C16orf74: variants seen among roughly 807,000 people sequenced by gnomAD.
C16orf74 encodes the protein calcimembrin.
In C16orf74, 10 loss-of-function variants were observed where a neutral mutation model predicts 6.5. The ratio of observed to expected loss-of-function variants is 1.54; its 90% CI spans 0.95 to 2.61. The LOEUF (loss-of-function observed/expected upper bound fraction) is 2.61, where lower values mean the gene tolerates loss of function less well. C16orf74 is among the 30% of genes most tolerant of loss of function. The pLI, the probability that C16orf74 is intolerant of heterozygous loss-of-function variation, is 0.00. For missense variants in C16orf74, 141 were observed against 105.9 expected (o/e 1.33, Z -1.45); for synonymous variants, 60 against 42.5 (o/e 1.41, Z -1.60).
At chr16:85,735,564 C>G (rs2054235139) in intron 1 of C16orf74, among the ~76,000 whole-genome samples, 1 of 152,190 alleles carries the variant, frequency 6.6e-6, no homozygotes, top group African/African-American at 2.4e-5. Flanking sequence ...GAACCGACAC[C>G]ACCAAGCCTT....
At chr16:85,714,843 G>A (rs1432116052) in intron 2 of C16orf74, among the ~76,000 whole-genome samples, 2 of 150,986 alleles carry the variant, frequency 1.3e-5, no homozygotes, top group Non-Finnish European at 3.0e-5. Context: ...ATACAGTGGG[G>A]TTTGAACCTT....
chr16:85,731,638 G>A (rs1327246962), intron 2 of C16orf74, among the ~76,000 whole-genome samples: 3 of 152,168 alleles, frequency 2.0e-5, no homozygotes, highest in African/African-American at 4.8e-5. Flanking sequence ...ACACCTAACC[G>A]GAGCCTGTGA....
chr16:85,743,597 C>T (rs2054334698), intron 1 of C16orf74: 1 of 152,180 alleles, frequency 6.6e-6, no homozygotes, highest in South Asian at 2.1e-4. Flanking sequence ...GAGTTTGTTA[C>T]AAACACACGT....
At chr16:85,723,616 C>T (rs1023010764) in intron 2 of C16orf74, among the ~76,000 whole-genome samples, 1 of 152,192 alleles carries the variant, frequency 6.6e-6, no homozygotes, top group East Asian at 1.9e-4. Context: ...AGGGTACACA[C>T]CCTCCAACCA....
chr16:85,710,375 G>A (rs914072415), intron 2 of C16orf74, 68 bp from the exon 3 acceptor site: 31 of 1,403,640 alleles, frequency 2.2e-5, no homozygotes, highest in Admixed American at 7.5e-5. Flanking sequence ...AGTGGCCGCC[G>A]GGAACCGCGG....
chr16:85,729,513 C>T (rs1350725794), intron 2 of C16orf74, among the ~76,000 whole-genome samples: 1 of 152,230 alleles, frequency 6.6e-6, no homozygotes, highest in Admixed American at 6.5e-5. Flanking sequence ...TTCCTGCCCC[C>T]CACAGGGGAA....
chr16:85,728,449 C>T (rs969266706), intron 2 of C16orf74, among the ~76,000 whole-genome samples: 3 of 152,306 alleles, frequency 2.0e-5, no homozygotes, highest in Middle Eastern at 3.4e-3. Flanking sequence ...AGGACAGTTG[C>T]TGGGACCAGT....
chr16:85,747,072 C>G (rs745853689), intron 1 of C16orf74, among the ~76,000 whole-genome samples: 1 of 152,054 alleles, frequency 6.6e-6, no homozygotes, highest in Non-Finnish European at 1.5e-5. Flanking sequence ...GGAGGCCCAC[C>G]GAAATCCCCA....
chr16:85,735,653 C>A (rs1473641980), intron 1 of C16orf74, among the ~76,000 whole-genome samples: 1 of 151,792 alleles, frequency 6.6e-6, no homozygotes, highest in Admixed American at 6.6e-5. Context: ...GGCCCAGAGG[C>A]CCCCATGGCC....
intron 2 of C16orf74, among the ~76,000 whole-genome samples, chr16:85,722,820 G>A (rs1177774689): frequency 6.6e-6 from 1 of 152,238 alleles, no homozygotes; most frequent in Non-Finnish European, 1.5e-5. Flanking sequence ...CCCTCAGCAC[G>A]TTCTATGAAC....
intron 1 of C16orf74, among the ~76,000 whole-genome samples, chr16:85,749,749 T>C (rs569808508): frequency 6.6e-6 from 1 of 152,210 alleles, no homozygotes. Flanking sequence ...ATTTCAAGTC[T>C]CCAGAGGTGA....
At chr16:85,749,707 T>TC (rs1254490451) in intron 1 of C16orf74, among the ~76,000 whole-genome samples, 1 of 152,236 alleles carries the variant, frequency 6.6e-6, no homozygotes, top group Admixed American at 6.5e-5. Context: ...ATCAGTGCGC[T>TC]CTTCTTCAGT....
At chr16:85,733,344 G>A (rs181634065) in intron 2 of C16orf74, among the ~76,000 whole-genome samples, 125 of 152,300 alleles carry the variant, frequency 8.2e-4, no homozygotes, top group African/African-American at 2.8e-3. Flanking sequence ...GAGGTCCCTA[G>A]AGCAGATTCT....
intron 1 of C16orf74, chr16:85,743,813 G>GA (rs1305189215): frequency 6.6e-6 from 1 of 152,076 alleles, no homozygotes; most frequent in Non-Finnish European, 1.5e-5. Context: ...CAGCACTTTG[G>GA]GAGGCCGAGG....
chr16:85,715,296 G>A (rs978375676), intron 2 of C16orf74, among the ~76,000 whole-genome samples: 4 of 151,692 alleles, frequency 2.6e-5, no homozygotes, highest in Admixed American at 6.6e-5. Context: ...TGTTGCCACC[G>A]CCCAGACAAT....
chr16:85,718,626 G>A (rs1245614989), intron 2 of C16orf74, among the ~76,000 whole-genome samples: 1 of 152,216 alleles, frequency 6.6e-6, no homozygotes, highest in Non-Finnish European at 1.5e-5. Context: ...GGGCAGGCAT[G>A]AGAGGTTAAG....
At chr16:85,745,501 T>C (rs1040082801) in intron 1 of C16orf74, among the ~76,000 whole-genome samples, 3 of 152,212 alleles carry the variant, frequency 2.0e-5, no homozygotes, top group African/African-American at 7.2e-5. Context: ...TTTCATAAAG[T>C]CAAAAGCAAC....
At position 85,707,968 on chromosome 16, in the gene C16orf74, G is replaced by A. The variant is rs761840901; in HGVS notation, c.*40C>T. 85 of 1,537,128 alleles carry A rather than the reference G, an allele frequency of 5.5e-5. No individual in the cohort carries two copies. Among genetic ancestry groups the A allele is most frequent in the South Asian group, 4.1e-4 (34 of 83,794 alleles). On this transcript the variant is annotated 3_prime_UTR_variant, in exon 4 of 4. Coordinates refer to ENST00000284245, the MANE Select transcript of C16orf74 (RefSeq NM_206967.3). Reference sequence around the variant, plus strand: ...GCCCCCGGACACCTGAAGCCGGGCCGCTGGAGCAGGAGCCAGCCAGCCAAA... The same window carrying A: ...GCCCCCGGACACCTGAAGCCGGGCCACTGGAGCAGGAGCCAGCCAGCCAAA...
At chr16:85,715,701 G>T (rs998321428) in intron 2 of C16orf74, among the ~76,000 whole-genome samples, 6 of 152,186 alleles carry the variant, frequency 3.9e-5, no homozygotes, top group African/African-American at 1.4e-4. Flanking sequence ...GGCAGGATTG[G>T]GTCTCAGGGC....
Sources: allele counts gnomAD v4.1 joint callset (sites outside exome capture counted in the v4.1 genomes callset), GRCh38; gene constraint gnomAD v4.1.1; transcripts MANE v1.5; gene names NCBI Gene and HGNC (gene_info 2026-07-23, HGNC 2026-07-21).